TRPC4: variants seen among roughly 807,000 people sequenced by gnomAD.
The protein encoded by TRPC4 is short transient receptor potential channel 4.
Under a neutral mutation model 99.4 loss-of-function variants are expected in TRPC4, and 49 were observed. The observed-to-expected ratio is 0.49, with a 90% CI of 0.39 to 0.63. The LOEUF is 0.63. Among genes scored for constraint, TRPC4 ranks in the 20% least tolerant of loss-of-function variants. TRPC4 has a pLI of 0.00. For synonymous variants in TRPC4, 454 were observed against 425.9 expected (o/e 1.07, Z -0.81); for missense variants, 898 against 1,152.9 (o/e 0.78, Z 3.20).
chr13:37,857,953 G>C (rs1309042169), intron 1 of TRPC4, among the ~76,000 whole-genome samples: 1 of 151,570 alleles, frequency 6.6e-6, no homozygotes, highest in African/African-American at 2.4e-5. Flanking sequence ...CACAGCAAAA[G>C]AAACAATCAA....
At chr13:37,839,520 A>G (rs140136224) in intron 1 of TRPC4, among the ~76,000 whole-genome samples, 109 of 152,304 alleles carry the variant, frequency 7.2e-4, no homozygotes, top group African/African-American at 2.4e-3. Flanking sequence ...CTCAATTTTA[A>G]TAATTCGGTT....
intron 6 of TRPC4, among the ~76,000 whole-genome samples, chr13:37,657,376 C>T (rs1328840220): frequency 6.6e-6 from 1 of 152,212 alleles, no homozygotes; most frequent in Non-Finnish European, 1.5e-5. Flanking sequence ...ACTAAAGCTA[C>T]TCTTTGAAAA....
chr13:37,762,383 C>T (rs1261041037), intron 2 of TRPC4, among the ~76,000 whole-genome samples: 1 of 151,614 alleles, frequency 6.6e-6, no homozygotes, highest in African/African-American at 2.4e-5. Context: ...ACCCAAAGGA[C>T]TATAAATCAT....
rs577351228 is a variant in TRPC4 at position 37,812,242 on chromosome 13, T to C, written c.-27-28882A>G. Among the ~76,000 whole-genome samples, 198 of 127,826 alleles carry C rather than the reference T, an allele frequency of 1.5e-3. 1 individual carries two copies. Among genetic ancestry groups the C allele is most frequent in the African/African-American group, 5.6e-3 (189 of 34,036 alleles). The allele number at this position is 127,826 out of a possible 152,430, so 83.9% of individuals were successfully genotyped here. On this transcript the variant is annotated intron_variant, in intron 1 of 10. Coordinates refer to ENST00000379705, the MANE Select transcript of TRPC4 (RefSeq NM_016179.4). ...AGTAAATTAACTGAGCGATAGAACA[T>C]AACTCAAGATTATTTATAAAAATGC...
chr13:37,745,490 T>G lies in TRPC4; in HGVS notation c.897+447A>C, dbSNP rs1342917315. 3.0e-4 allele frequency among the ~76,000 whole-genome samples: 34 copies of G among 111,938 alleles called. 1 individual carries two copies. The highest frequency in any genetic ancestry group is 6.9e-4 in the Admixed American group (8 of 11,628). The allele number at this position is 111,938 out of a possible 152,430, so 73.4% of individuals were successfully genotyped here. The stretch of plus-strand genomic sequence containing the variant: ...TATATATATACACACACACACACAC[T>G]TATATATACGTATATATGTATATAT... On this transcript the variant is annotated intron_variant, in intron 3 of 10. Coordinates refer to ENST00000379705, the MANE Select transcript of TRPC4 (RefSeq NM_016179.4).
intron 3 of TRPC4, among the ~76,000 whole-genome samples, chr13:37,701,258 A>G (rs1954092958): frequency 6.6e-6 from 1 of 152,138 alleles, no homozygotes; most frequent in African/African-American, 2.4e-5. Context: ...AATGGAAATT[A>G]TTCTTTGGCG....
At chr13:37,778,908 T>C (rs552852237) in intron 2 of TRPC4, among the ~76,000 whole-genome samples, 147 of 152,174 alleles carry the variant, frequency 9.7e-4, no homozygotes, top group Non-Finnish European at 1.9e-3. Context: ...CAACATCCTC[T>C]GAATCAGTGG....
At position 37,637,034 on chromosome 13, in the gene TRPC4, C is replaced by G; in HGVS notation, c.2803G>C (p.Val935Leu). 6.2e-7 allele frequency: 1 copy of G among 1,613,766 alleles called. No homozygotes were observed. The highest frequency in any genetic ancestry group is 8.5e-7 in the Non-Finnish European group (1 of 1,179,766). The change falls in exon 11 of 11, where the codon GTG becomes CTG. Residue 935 changes from valine to leucine, a missense_variant. Physicochemically the swap from Val to Leu is conservative, Grantham distance 32 (BLOSUM62 1). Coordinates refer to ENST00000379705, the MANE Select transcript of TRPC4 (RefSeq NM_016179.4). Reference protein sequence around the residue: ...KRVCPFKSEKVVVEDTVPIIP... With the variant: ...KRVCPFKSEKLVVEDTVPIIP... ...ATAGGAACCGTGTCCTCCACCACCA[C>G]CTTCTCTGACTTGAATGGACACACT... is the stretch of plus-strand genomic sequence containing the variant.
intron 3 of TRPC4, among the ~76,000 whole-genome samples, chr13:37,734,527 TC>T (rs1430115386): frequency 2.0e-5 from 3 of 152,264 alleles, no homozygotes; most frequent in African/African-American, 7.2e-5. Context: ...CAGCAAGATT[TC>T]CAGCTTCACC....
chr13:37,778,039 A>C (rs1326761729), intron 2 of TRPC4, among the ~76,000 whole-genome samples: 1 of 152,104 alleles, frequency 6.6e-6, no homozygotes, highest in Non-Finnish European at 1.5e-5. Flanking sequence ...ACAAAATTAT[A>C]AATGGCATTA....
chr13:37,707,283 A>C (rs1466430714), intron 3 of TRPC4, among the ~76,000 whole-genome samples: 3 of 152,176 alleles, frequency 2.0e-5, no homozygotes, highest in African/African-American at 4.8e-5. Context: ...AACATATACC[A>C]TAGAACATAT....
chr13:37,738,962 T>G (rs959969883), intron 3 of TRPC4, among the ~76,000 whole-genome samples: 1 of 152,076 alleles, frequency 6.6e-6, no homozygotes, highest in Non-Finnish European at 1.5e-5. Flanking sequence ...ACTGGGAAAG[T>G]TTTTCCTAGA....
At chr13:37,866,947 G>A (rs1372250784) in intron 1 of TRPC4, among the ~76,000 whole-genome samples, 3 of 140,748 alleles carry the variant, frequency 2.1e-5, no homozygotes, top group Non-Finnish European at 4.4e-5. Context: ...AATAATCATG[G>A]TGGGGTTTCC....
At chr13:37,690,213 G>C (rs9548018) in intron 4 of TRPC4, among the ~76,000 whole-genome samples, 135,330 of 152,288 alleles carry the variant, frequency 0.89, 60,320 homozygotes, top group Middle Eastern at 0.95. Context: ...ATGAAACAGG[G>C]GGGGTTATTT....
intron 3 of TRPC4, among the ~76,000 whole-genome samples, chr13:37,697,479 T>C (rs1953946800): frequency 6.6e-6 from 1 of 152,186 alleles, no homozygotes. Flanking sequence ...TTAAAAGAAT[T>C]TCATGTTAAA....
intron 1 of TRPC4, among the ~76,000 whole-genome samples, chr13:37,827,855 G>C (rs1291594282): frequency 1.3e-5 from 2 of 152,204 alleles, no homozygotes; most frequent in African/African-American, 4.8e-5. Context: ...GCAATGGCGG[G>C]TGCCCCTCCC....
chr13:37,813,232 C>T (rs1354795772), intron 1 of TRPC4, among the ~76,000 whole-genome samples: 1 of 151,322 alleles, frequency 6.6e-6, no homozygotes, highest in Non-Finnish European at 1.5e-5. Flanking sequence ...TATAGCATAC[C>T]AAAATTCATG....
intron 1 of TRPC4, among the ~76,000 whole-genome samples, chr13:37,830,431 G>A (rs1464225882): frequency 6.6e-6 from 1 of 151,938 alleles, no homozygotes; most frequent in African/African-American, 2.4e-5. Context: ...ATTGCTTGCT[G>A]GACATGATGG....
At chr13:37,763,092 T>TA (rs961425576) in intron 2 of TRPC4, among the ~76,000 whole-genome samples, 32 of 151,148 alleles carry the variant, frequency 2.1e-4, no homozygotes, top group African/African-American at 5.6e-4. Flanking sequence ...AATGAATGGT[T>TA]AAAAAAAACC....
Sources: gnomAD v4.1 joint callset for allele counts (sites outside exome capture counted in the v4.1 genomes callset) on GRCh38, gnomAD v4.1.1 for gene constraint, MANE v1.5 for transcripts, NCBI Gene and HGNC (gene_info 2026-07-23, HGNC 2026-07-21) for gene names.